EGFR: variants seen among roughly 807,000 people sequenced by gnomAD.
EGFR encodes the protein avian erythroblastic leukemia viral (v-erb-b) oncogene homolog.
In EGFR, 58 loss-of-function variants were observed where a neutral mutation model predicts 143.0. That is an observed-to-expected ratio of 0.41 (90% CI 0.33 to 0.50). The LOEUF (loss-of-function observed/expected upper bound fraction) is 0.50. Among genes scored for constraint, EGFR ranks in the 20% least tolerant of loss-of-function variants. EGFR has a pLI of 0.39. For synonymous variants in EGFR, 613 were observed against 594.4 expected (o/e 1.03, Z -0.45); for missense variants, 1,307 against 1,579.0 (o/e 0.83, Z 2.92).
Position 55,156,426 on chromosome 7 carries a change from C to T in EGFR, c.1007-107C>T, listed in dbSNP as rs568352086. ...TGAATGAAGGATGATGTGGCAGTGG[C>T]GGTTCCGGTGACCGGAATTCCTTCC... On this transcript the variant is annotated intron_variant, in intron 8 of 27. Coordinates refer to ENST00000275493, the MANE Select transcript of EGFR (RefSeq NM_005228.5). 16 of 1,479,906 alleles carry T rather than the reference C, an allele frequency of 1.1e-5. No individual in the cohort carries two copies. In the East Asian group the frequency reaches 1.6e-4, roughly 15 times the overall value. 91.7% of individuals were successfully genotyped at this position (1,479,906 alleles called of 1,614,324 possible).
chr7:55,069,152 AT>A (rs1789681745), intron 1 of EGFR, among the ~76,000 whole-genome samples: 1 of 152,238 alleles, frequency 6.6e-6, no homozygotes, highest in Non-Finnish European at 1.5e-5. Context: ...CTAAATGCAA[AT>A]AAACCTAGCA....
intron 14 of EGFR, among the ~76,000 whole-genome samples, chr7:55,164,263 G>T (rs1268657453): frequency 6.6e-6 from 1 of 152,106 alleles, no homozygotes; most frequent in African/African-American, 2.4e-5. Flanking sequence ...ATAACATATA[G>T]ATACAATATT....
intron 1 of EGFR, among the ~76,000 whole-genome samples, chr7:55,101,443 T>G (rs1457946639): frequency 6.6e-6 from 1 of 152,256 alleles, no homozygotes; most frequent in African/African-American, 2.4e-5. Context: ...AACACCATTT[T>G]AATTCTCACC....
chr7:55,178,832 T>C (rs1022103146), intron 19 of EGFR, among the ~76,000 whole-genome samples: 3 of 152,252 alleles, frequency 2.0e-5, no homozygotes, highest in Non-Finnish European at 4.4e-5. Flanking sequence ...CAGGAAATAT[T>C]TAAAGCTATA....
intron 27 of EGFR, chr7:55,202,844 T>C (rs1562807520): frequency 1.5e-6 from 1 of 684,206 alleles, no homozygotes; most frequent in East Asian, 2.7e-5. Context: ...TGTACCTCTG[T>C]TGTAAGAATG....
chr7:55,198,370 G>T (rs1787708706), intron 22 of EGFR, among the ~76,000 whole-genome samples: 1 of 152,100 alleles, frequency 6.6e-6, no homozygotes, highest in Non-Finnish European at 1.5e-5. Flanking sequence ...TGTGTATCCT[G>T]TCTGGAGCAT....
At chr7:55,160,752 G>T (rs978910216) in intron 12 of EGFR, among the ~76,000 whole-genome samples, 1 of 152,220 alleles carries the variant, frequency 6.6e-6, no homozygotes. Context: ...TTTGAAGCTG[G>T]TGAGAGCCTG....
At chr7:55,087,051 T>C (rs978700079) in intron 1 of EGFR, among the ~76,000 whole-genome samples, 4 of 152,060 alleles carry the variant, frequency 2.6e-5, no homozygotes, top group Admixed American at 2.0e-4. Context: ...AGAGTTTACT[T>C]AGGCTTTCAC....
chr7:55,039,713 T>C (rs943113226), intron 1 of EGFR, among the ~76,000 whole-genome samples: 4 of 152,196 alleles, frequency 2.6e-5, no homozygotes, highest in African/African-American at 9.6e-5. Context: ...AAATAAATTG[T>C]GTACATCCCA....
At position 55,152,749 on chromosome 7, in the gene EGFR, G is replaced by A. The variant is rs903744972; in HGVS notation, c.747+85G>A. The A allele has an allele frequency of 2.6e-6, 3 of 1,136,488 alleles. No individual in the cohort carries two copies. In the African/African-American group the frequency reaches 4.6e-5, roughly 17 times the overall value. The allele number at this position is 1,136,488 out of a possible 1,614,324, so 70.4% of individuals were successfully genotyped here. ...CACCAGGACAGAAGACTTCCTGTGG[G>A]GGAGCTGTCAATTAGCATTTGTCAT... is the stretch of plus-strand genomic sequence containing the variant. On this transcript the variant is annotated intron_variant, in intron 6 of 27. Coordinates refer to ENST00000275493, the MANE Select transcript of EGFR (RefSeq NM_005228.5).
chr7:55,203,179 GAC>G (rs1458743493), intron 27 of EGFR: 4 of 220,602 alleles, frequency 1.8e-5, no homozygotes, highest in East Asian at 1.3e-4. Context: ...ACCATACACA[GAC>G]ACATACACAT....
At chr7:55,037,636 T>C (rs947733170) in intron 1 of EGFR, among the ~76,000 whole-genome samples, 1 of 152,138 alleles carries the variant, frequency 6.6e-6, no homozygotes, top group African/African-American at 2.4e-5. Flanking sequence ...AAGACCAAAT[T>C]TGCCTTGAAA....
At chr7:55,195,954 C>T (rs1046283123) in intron 22 of EGFR, among the ~76,000 whole-genome samples, 7 of 152,200 alleles carry the variant, frequency 4.6e-5, no homozygotes, top group Non-Finnish European at 8.8e-5. Context: ...CATGTCTTTG[C>T]TATTGTAAAT....
At chr7:55,098,306 G>A (rs1468726) in intron 1 of EGFR, among the ~76,000 whole-genome samples, 49,825 of 152,012 alleles carry the variant, frequency 0.33, 9,517 homozygotes, top group African/African-American at 0.53. Context: ...CAGGGATGGG[G>A]CTAGGGGGAC....
chr7:55,202,669 G>T, intron 27 of EGFR, 44 bp downstream of exon 27: 1 of 1,550,702 alleles, frequency 6.4e-7, no homozygotes, highest in Non-Finnish European at 8.8e-7. Context: ...CAACCTCCTC[G>T]ACCCACTCAG....
At chr7:55,048,413 G>A (rs1341145936) in intron 1 of EGFR, among the ~76,000 whole-genome samples, 2 of 152,196 alleles carry the variant, frequency 1.3e-5, no homozygotes, top group African/African-American at 2.4e-5. Context: ...TGGCCTCTGG[G>A]TGACTTTGGA....
At position 55,206,881 on chromosome 7, in the gene EGFR, G is replaced by A. The variant is rs574044240; in HGVS notation, c.*1264G>A. 16 of 233,202 alleles carry A rather than the reference G, an allele frequency of 6.9e-5. No individual in the cohort carries two copies. Among genetic ancestry groups the A allele is most frequent in the African/African-American group, 2.6e-4 (12 of 45,438 alleles). The allele number at this position is 233,202 out of a possible 1,614,324, so 14.4% of individuals were successfully genotyped here. A position where few individuals can be genotyped will look rare whatever the true frequency, so the allele number is the denominator to read the frequency against. Reference sequence around the variant, plus strand: ...CATTTTACAGGTGCGAATGACAGTAGCATTATGAGTAGTGTGGAATTCAGG... The same window carrying A: ...CATTTTACAGGTGCGAATGACAGTAACATTATGAGTAGTGTGGAATTCAGG... On this transcript the variant is annotated 3_prime_UTR_variant, in exon 28 of 28. Transcript: ENST00000275493.
intron 1 of EGFR, among the ~76,000 whole-genome samples, chr7:55,111,348 A>G (rs1477133790): frequency 6.7e-6 from 1 of 150,084 alleles, no homozygotes; most frequent in Admixed American, 6.6e-5. Flanking sequence ...GGCAGGTTTC[A>G]TCTCGCTTGC....
At chr7:55,140,403 C>T (rs973571910) in intron 1 of EGFR, among the ~76,000 whole-genome samples, 6 of 152,054 alleles carry the variant, frequency 3.9e-5, no homozygotes, top group African/African-American at 1.2e-4. Flanking sequence ...GCTACCTGGA[C>T]GACAGCCAAT....
Sources: allele counts gnomAD v4.1 joint callset (sites outside exome capture counted in the v4.1 genomes callset), GRCh38; gene constraint gnomAD v4.1.1; transcripts MANE v1.5; gene names NCBI Gene and HGNC (gene_info 2026-07-23, HGNC 2026-07-21).